Variants in HMG20B observed in about 807,000 individuals in gnomAD.
HMG20B encodes SWI/SNF-related matrix-associated actin-dependent regulator of chromatin subfamily E member 1-related.
A neutral mutation model predicts 41.6 loss-of-function variants in HMG20B; 24 were observed. The observed-to-expected ratio is 0.58, with a 90% CI of 0.42 to 0.81. The LOEUF (loss-of-function observed/expected upper bound fraction) is 0.81. Among genes scored for constraint, HMG20B ranks in the 30% least tolerant of loss-of-function variants. The probability of loss-of-function intolerance (pLI) is 0.00; values close to 1 mark genes in which losing one functional copy is unlikely to be tolerated. For missense variants in HMG20B, 461 were observed against 444.0 expected (o/e 1.04, Z -0.34); for synonymous variants, 251 against 186.6 (o/e 1.34, Z -2.81).
intron 4 of HMG20B, among the ~76,000 whole-genome samples, chr19:3,574,832 T>C (rs1194197268): frequency 1.3e-5 from 2 of 152,048 alleles, no homozygotes; most frequent in Non-Finnish European, 2.9e-5. Flanking sequence ...AATTCTCCTG[T>C]CTCAGCCTCT....
chr19:3,573,911 C>A, intron 3 of HMG20B, 111 bp downstream of exon 3: 1 of 1,050,640 alleles, frequency 9.5e-7, no homozygotes, highest in Non-Finnish European at 1.4e-6. Flanking sequence ...AGCCCATTTT[C>A]CTCTGGAAGC....
intron 1 of HMG20B, 114 bp from the exon 2 acceptor site, chr19:3,573,178 C>G: frequency 1.2e-6 from 1 of 822,506 alleles, no homozygotes; most frequent in Non-Finnish European, 1.8e-6. Context: ...GATCCGGCCC[C>G]CCCAGCGCTC....
Position 3,575,625 on chromosome 19 carries a change from G to A in HMG20B, c.437G>A (p.Cys146Tyr), listed in dbSNP as rs1380199779. Reference sequence around the variant, plus strand: ...CAGCAGTCTGAAGCCTATAAGATGTGCACGGAGAAGATCCAGGAGAAGAAG... The same window carrying A: ...CAGCAGTCTGAAGCCTATAAGATGTACACGGAGAAGATCCAGGAGAAGAAG... ...AYQQSEAYKM[C>Y]TEKIQEKKIK... Residue 146 changes from cysteine (C) to tyrosine (Y), a missense_variant, in exon 5 of 10, where the codon TGC (cysteine) becomes TAC (tyrosine). This residue lies in a region of HMG20B where 308 missense variants were observed against 283.4 expected (regional missense o/e 1.09). Coordinates refer to ENST00000333651, the MANE Select transcript of HMG20B (RefSeq NM_006339.3). 1.9e-6 allele frequency: 3 copies of A among 1,551,594 alleles called. No homozygotes were observed. In the Admixed American group the frequency reaches 5.9e-5, roughly 30 times the overall value.
At chr19:3,573,617 A>T in intron 2 of HMG20B, 75 bp from the exon 3 acceptor site, 1 of 1,343,670 alleles carries the variant, frequency 7.4e-7, no homozygotes, top group South Asian at 1.6e-5. Flanking sequence ...GTCGGGGGTC[A>T]AAACGCCCTG....
chr19:3,573,889 GGC>G (rs1480923344), intron 3 of HMG20B, 89 bp downstream of exon 3: 1 of 1,223,478 alleles, frequency 8.2e-7, no homozygotes, highest in Non-Finnish European at 1.2e-6. Flanking sequence ...AATTGCTTGT[GGC>G]TCCGCCCACA....
At position 3,575,642 on chromosome 19, in the gene HMG20B, GAGA is replaced by G. The variant is rs767799999; in HGVS notation, c.461_463del (p.Lys154del). The G allele has an allele frequency of 6.6e-5, 103 of 1,551,074 alleles. 1 individual carries two copies. The highest frequency in any genetic ancestry group is 1.2e-4 in the Admixed American group (6 of 50,978). ...TAAGATGTGCACGGAGAAGATCCAG[GAGA>G]AGAAGATCAAGAAAGGTGGGAGGGG... On this transcript the variant is annotated inframe_deletion, in exon 5 of 10. Coordinates refer to ENST00000333651, the MANE Select transcript of HMG20B (RefSeq NM_006339.3).
At position 3,578,147 on chromosome 19, in the gene HMG20B, T is replaced by C. The variant is rs992961853; in HGVS notation, c.941+34T>C. The C allele has an allele frequency of 3.1e-6, 5 of 1,594,340 alleles. No individual in the cohort carries two copies. In the South Asian group the frequency reaches 5.6e-5, roughly 18 times the overall value. ...CGGGCGAGGCGGGGCGGGGCCGGGG[T>C]TCAAGGCCCGGATGTGCCCGCCCTG... On this transcript the variant is annotated intron_variant, in intron 9 of 9. Transcript: ENST00000333651.
intron 3 of HMG20B, 179 bp from the exon 4 acceptor site, chr19:3,574,204 C>T (rs1233416311): frequency 9.4e-6 from 6 of 637,344 alleles, no homozygotes; most frequent in Admixed American, 2.6e-5. Flanking sequence ...CCAGGGATCC[C>T]TCTAACCCAC....
At position 3,578,786 on chromosome 19, in the gene HMG20B, C is replaced by T. The variant is rs771565863; in HGVS notation, c.*265C>T. On this transcript the variant is annotated 3_prime_UTR_variant, in exon 10 of 10. Transcript: ENST00000333651. ...AGGGTGCCCCTCCTCGGAGGACAGCCACGCGCTACACTGGCTCTCCGGGCC... is the reference window on the plus strand; with the variant it reads ...AGGGTGCCCCTCCTCGGAGGACAGCTACGCGCTACACTGGCTCTCCGGGCC... The T allele has an allele frequency of 5.5e-6, 4 of 733,648 alleles. No homozygotes were observed. The highest frequency in any genetic ancestry group is 9.9e-6 in the Non-Finnish European group (4 of 402,428). 45.4% of individuals were successfully genotyped at this position (733,648 alleles called of 1,614,324 possible).
intron 4 of HMG20B, 140 bp downstream of exon 4, chr19:3,574,726 T>C (rs2032122085): frequency 1.3e-6 from 1 of 744,958 alleles, no homozygotes. Flanking sequence ...TTTTTTTTTT[T>C]TTTTTTTTGT....
chr19:3,573,334 G>T lies in HMG20B; in HGVS notation c.25G>T (p.Gly9Cys). 1 of 1,534,428 alleles carries T rather than the reference G, an allele frequency of 6.5e-7. No homozygotes were observed. The change falls in exon 2 of 10, where the codon GGC becomes TGC. Residue 9 changes from glycine (G) to cysteine (C), a missense_variant. Coordinates refer to ENST00000333651, the MANE Select transcript of HMG20B (RefSeq NM_006339.3). MSHGPKQP[G>C]AAAAPAGGKA... The stretch of plus-strand genomic sequence containing the variant: ...CATGTCCCACGGCCCCAAGCAGCCC[G>T]GCGCGGCCGCCGCGTGAGTGCACTG...
chr19:3,577,061 C>G lies in HMG20B; in HGVS notation c.762C>G (p.Ala254=), dbSNP rs1395407745. ...RTLALQQQLQ[A]VRQALTASFA... ...TGGCGCTGCAGCAGCAGCTCCAGGCCGTGCGCCAGGCGCTCACCGCCAGCT... is the reference window on the plus strand; with the variant it reads ...TGGCGCTGCAGCAGCAGCTCCAGGCGGTGCGCCAGGCGCTCACCGCCAGCT... The change falls in exon 8 of 10, where the codon GCC becomes GCG. Residue 254 remains alanine (A), a synonymous_variant. Coordinates refer to ENST00000333651, the MANE Select transcript of HMG20B (RefSeq NM_006339.3). The G allele has an allele frequency of 7.1e-6, 11 of 1,544,184 alleles. No individual in the cohort carries two copies. The Admixed American group carries it at 9.8e-5, about 14-fold the overall frequency.
rs1284967626 is a variant in HMG20B, at chr19:3,573,722, T to G, written c.69T>G (p.His23Gln). The change falls in exon 3 of 10, where the codon CAT (histidine) becomes CAG (glutamine). Residue 23 changes from histidine to glutamine, a missense_variant. Physicochemically the swap from His to Gln is conservative, Grantham distance 24 (BLOSUM62 0). This residue lies in a region of HMG20B where 104 missense variants were observed against 76.5 expected (regional missense o/e 1.36). Transcript: ENST00000333651. ...CGGGCGGCAAGGCTCCGGGCCAGCA[T>G]GGGGGCTTCGTGGTGACTGTCAAGC... Reference protein sequence around the residue: ...APAGGKAPGQHGGFVVTVKQE... With the variant: ...APAGGKAPGQQGGFVVTVKQE... 1 of 1,527,680 alleles carries G rather than the reference T, an allele frequency of 6.5e-7. No individual in the cohort carries two copies. The highest frequency in any genetic ancestry group is 1.4e-5 in the African/African-American group (1 of 71,092). The allele number at this position is 1,527,680 out of a possible 1,614,324, so 94.6% of individuals were successfully genotyped here.
At chr19:3,575,474 T>G in intron 4 of HMG20B, 66 bp from the exon 5 acceptor site, 1 of 1,546,614 alleles carries the variant, frequency 6.5e-7, no homozygotes, top group Non-Finnish European at 8.7e-7. Flanking sequence ...GAAAGCAGAG[T>G]GATAAAGACT....
intron 1 of HMG20B, 104 bp from the exon 2 acceptor site, chr19:3,573,188 C>A: frequency 1.1e-6 from 1 of 944,108 alleles, no homozygotes; most frequent in Non-Finnish European, 1.5e-6. Context: ...CCCCAGCGCT[C>A]CGGGCCCGGC....
At chr19:3,577,553 C>A (rs1292250824) in intron 8 of HMG20B, among the ~76,000 whole-genome samples, 1 of 142,780 alleles carries the variant, frequency 7.0e-6, no homozygotes, top group East Asian at 2.2e-4. Context: ...CCAGCCTGAG[C>A]ACTGACCCAG....
chr19:3,575,766 A>G (rs2032145111), intron 5 of HMG20B, 106 bp downstream of exon 5: 4 of 920,626 alleles, frequency 4.3e-6, no homozygotes, highest in Non-Finnish European at 6.5e-6. Flanking sequence ...ACATAGTGAA[A>G]CCCTCCCCCT....
At position 3,573,309 on chromosome 19, in the gene HMG20B, C is replaced by T; in HGVS notation, c.-1C>T. On this transcript the variant is annotated 5_prime_UTR_variant, in exon 2 of 10. Coordinates refer to ENST00000333651, the MANE Select transcript of HMG20B (RefSeq NM_006339.3). ...TGTTCCAGGTCCGGCCCGGAGCGGC[C>T]ATGTCCCACGGCCCCAAGCAGCCCG... 2 of 1,529,096 alleles carry T rather than the reference C, an allele frequency of 1.3e-6. No homozygotes were observed. The highest frequency in any genetic ancestry group is 2.6e-5 in the East Asian group (1 of 38,704). The allele number at this position is 1,529,096 out of a possible 1,614,324, so 94.7% of individuals were successfully genotyped here. A position where few individuals can be genotyped will look rare whatever the true frequency, so the allele number is the denominator to read the frequency against.
chr19:3,576,571 T>C lies in HMG20B; in HGVS notation c.538T>C (p.Phe180Leu). 2 of 1,613,542 alleles carry C rather than the reference T, an allele frequency of 1.2e-6. No individual in the cohort carries two copies. Among genetic ancestry groups the C allele is most frequent in the South Asian group, 1.1e-5 (1 of 90,972 alleles). Residue 180 changes from phenylalanine to leucine, a missense_variant, in exon 7 of 10, where the codon TTC (phenylalanine) becomes CTC (leucine). By Grantham distance (22) the Phe-to-Leu change is conservative. Coordinates refer to ENST00000333651, the MANE Select transcript of HMG20B (RefSeq NM_006339.3). ...GTCTTAGGGTGGGGACTGCGATGGC[T>C]TCTCCACCTTCGATGTTCCCATCTT... ...NGHKGGDCDG[F>L]STFDVPIFTE... is the part of the protein sequence containing the mutation.
Sources: allele counts gnomAD v4.1 joint callset (sites outside exome capture counted in the v4.1 genomes callset), GRCh38; gene constraint gnomAD v4.1.1; regional missense constraint gnomAD v4.1.1; transcripts MANE v1.5; gene names NCBI Gene and HGNC (gene_info 2026-07-23, HGNC 2026-07-21).